Variants in STK3 observed in about 807,000 individuals in gnomAD.
The protein encoded by STK3 is serine/threonine-protein kinase 3.
In STK3, 41 loss-of-function variants were observed where a neutral mutation model predicts 58.0. The ratio of observed to expected loss-of-function variants is 0.71; its 90% CI spans 0.55 to 0.92. The LOEUF (loss-of-function observed/expected upper bound fraction) is 0.92. Ranked by LOEUF, STK3 falls within the 40% of genes least tolerant of loss-of-function variation. STK3 has a pLI of 0.00. For synonymous variants in STK3, 170 were observed against 191.0 expected, an observed-to-expected ratio of 0.89 and a Z score of 0.91; for missense variants, 479 against 602.7, an observed-to-expected ratio of 0.79 and a Z score of 2.15.
At chr8:98,391,110 A>G (rs1436848677), upstream of STK3, among the ~76,000 whole-genome samples, 2 of 152,162 alleles carry the variant, frequency 1.3e-5, no homozygotes, top group African/African-American at 2.4e-5. Context: ...TTTGAATTGT[A>G]TCCTGGACAT....
At chr8:98,694,115 AC>A (rs1256222788) in intron 6 of STK3, among the ~76,000 whole-genome samples, 3 of 152,302 alleles carry the variant, frequency 2.0e-5, no homozygotes, top group East Asian at 3.9e-4. Context: ...CGCTGCCTAT[AC>A]TAAAGCATTT....
intron 1 of STK3, among the ~76,000 whole-genome samples, chr8:98,447,789 T>C (rs1819021619): frequency 6.7e-6 from 1 of 148,730 alleles, no homozygotes; most frequent in South Asian, 2.1e-4. Flanking sequence ...TTTGCTATCA[T>C]TGCTGTGGAT....
chr8:98,376,513 T>TG (rs1817676418), intron 2 of STK3, among the ~76,000 whole-genome samples: 1 of 152,086 alleles, frequency 6.6e-6, no homozygotes, highest in Non-Finnish European at 1.5e-5. Context: ...CGCATAGATT[T>TG]TTTCCTATGT....
chr8:98,382,884 G>A (rs565111465), intron 1 of STK3, among the ~76,000 whole-genome samples: 37 of 152,296 alleles, frequency 2.4e-4, no homozygotes, highest in African/African-American at 8.7e-4. Context: ...CTTGGGCTCC[G>A]TCCTGCATGG....
intron 8 of STK3, among the ~76,000 whole-genome samples, chr8:98,554,156 C>T (rs1457250531): frequency 6.6e-6 from 1 of 152,108 alleles, no homozygotes; most frequent in Admixed American, 6.5e-5. Flanking sequence ...CTATCTACAG[C>T]ATTTCTCAAG....
At chr8:98,635,785 T>G (rs1423246244) in intron 6 of STK3, among the ~76,000 whole-genome samples, 1 of 152,134 alleles carries the variant, frequency 6.6e-6, no homozygotes, top group Non-Finnish European at 1.5e-5. Context: ...TATATAAATA[T>G]GTACATATAA....
chr8:98,687,465 G>A (rs917309413), intron 6 of STK3, among the ~76,000 whole-genome samples: 13 of 152,128 alleles, frequency 8.5e-5, no homozygotes, highest in Non-Finnish European at 1.8e-4. Flanking sequence ...ATCGCCCACC[G>A]CCCACCTCCA....
intron 1 of STK3, among the ~76,000 whole-genome samples, chr8:98,907,143 G>A (rs1403998890): frequency 1.3e-5 from 2 of 151,644 alleles, no homozygotes; most frequent in Non-Finnish European, 2.9e-5. Context: ...GGGCGACAGA[G>A]CAAGATTCTG....
chr8:98,615,429 T>C (rs1394000288), intron 6 of STK3, among the ~76,000 whole-genome samples: 2 of 151,562 alleles, frequency 1.3e-5, no homozygotes, highest in Admixed American at 1.3e-4. Flanking sequence ...GGAACGCAGT[T>C]CCTCACCAGC....
intron 7 of STK3, among the ~76,000 whole-genome samples, chr8:98,580,004 GCACA>G (rs953032698): frequency 6.6e-6 from 1 of 151,622 alleles, no homozygotes; most frequent in African/African-American, 2.4e-5. Flanking sequence ...AAAACTTAAA[GCACA>G]CATGCAAAAA....
intron 6 of STK3, among the ~76,000 whole-genome samples, chr8:98,672,261 G>A (rs1455081849): frequency 1.3e-5 from 2 of 151,782 alleles, no homozygotes; most frequent in East Asian, 1.9e-4. Context: ...GGTGGGTGTG[G>A]GGGGTTAGGG....
intron 1 of STK3, among the ~76,000 whole-genome samples, chr8:98,924,033 C>T (rs2132018394): frequency 6.6e-6 from 1 of 152,170 alleles, no homozygotes; most frequent in South Asian, 2.1e-4. Flanking sequence ...AGTCATTGTA[C>T]CCTGAAAGAG....
chr8:98,540,178 C>G (rs1264609234), intron 9 of STK3, among the ~76,000 whole-genome samples: 1 of 152,222 alleles, frequency 6.6e-6, no homozygotes, highest in Non-Finnish European at 1.5e-5. Flanking sequence ...AAACACAATA[C>G]TCCAGGTGAG....
intron 8 of STK3, among the ~76,000 whole-genome samples, chr8:98,570,131 CAG>C (rs891126947): frequency 2.5e-4 from 36 of 146,724 alleles, no homozygotes; most frequent in Non-Finnish European, 2.3e-4. Flanking sequence ...TCTTTTTAGA[CAG>C]AGAGAGAGAG....
At chr8:98,765,284 A>G (rs950363701) in intron 3 of STK3, among the ~76,000 whole-genome samples, 3 of 152,172 alleles carry the variant, frequency 2.0e-5, no homozygotes, top group Admixed American at 6.5e-5. Flanking sequence ...TTTTCCTATA[A>G]CCACTTGAAT....
chr8:98,716,757 C>T (rs1424189731), intron 4 of STK3, among the ~76,000 whole-genome samples: 1 of 152,002 alleles, frequency 6.6e-6, no homozygotes. Flanking sequence ...TCTCATAGTT[C>T]CTGATTTCAA....
At chr8:98,659,308 T>C (rs1821792276) in intron 6 of STK3, among the ~76,000 whole-genome samples, 1 of 152,038 alleles carries the variant, frequency 6.6e-6, no homozygotes, top group Non-Finnish European at 1.5e-5. Flanking sequence ...TGCTTTAATG[T>C]CTCTCAGCAC....
chr8:98,362,636 G>C, the STK3 span, among the ~76,000 whole-genome samples: 1 of 152,150 alleles, frequency 6.6e-6, no homozygotes, highest in Non-Finnish European at 1.5e-5. Flanking sequence ...CAGATCTAGG[G>C]CAAAGGCTGC....
At chr8:98,360,475 G>A in the STK3 span, among the ~76,000 whole-genome samples, 1 of 151,954 alleles carries the variant, frequency 6.6e-6, no homozygotes, top group East Asian at 1.9e-4. Context: ...CTTTCTCCAA[G>A]GCTACGAAGA....
Sources: gnomAD v4.1 joint callset for allele counts (sites outside exome capture counted in the v4.1 genomes callset) on GRCh38, gnomAD v4.1.1 for gene constraint, MANE v1.5 for transcripts, NCBI Gene and HGNC (gene_info 2026-07-23, HGNC 2026-07-21) for gene names.